The following PPP1R7 variants were observed in gnomAD, a reference collection of about 807,000 sequenced individuals.
The protein encoded by PPP1R7 is protein phosphatase 1 regulatory subunit 22.
A neutral mutation model predicts 45.2 loss-of-function variants in PPP1R7; 18 were observed. That is an observed-to-expected ratio of 0.40 (90% CI 0.28 to 0.59). The LOEUF is 0.59. PPP1R7 is among the 20% of genes least tolerant of loss of function. PPP1R7 has a pLI of 0.46. For missense variants in PPP1R7, 314 were observed against 455.8 expected (o/e 0.69, Z 2.83); for synonymous variants, 181 against 183.4 (o/e 0.99, Z 0.11).
Position 241,166,577 on chromosome 2 carries a change from A to G in PPP1R7, c.819+136A>G, listed in dbSNP as rs1276046277. 8.5e-6 allele frequency: 6 copies of G among 706,808 alleles called. No homozygotes were observed. The East Asian group carries it at 1.4e-4, about 16-fold the overall frequency. The allele number at this position is 706,808 out of a possible 1,614,324, so 43.8% of individuals were successfully genotyped here. A position where few individuals can be genotyped will look rare whatever the true frequency, so the allele number is the denominator to read the frequency against. On this transcript the variant is annotated intron_variant, in intron 8 of 9. Coordinates refer to ENST00000234038, the MANE Select transcript of PPP1R7 (RefSeq NM_002712.3). Reference sequence around the variant, plus strand: ...CTGCCTCTGGAGGTTTATCAGAAAGACCTTCCCATCCTAAAAACTAAGGGA... The same window carrying G: ...CTGCCTCTGGAGGTTTATCAGAAAGGCCTTCCCATCCTAAAAACTAAGGGA...
intron 1 of PPP1R7, 85 bp downstream of exon 1, chr2:241,150,632 C>T (rs945519492): frequency 7.1e-5 from 99 of 1,396,036 alleles, no homozygotes; most frequent in Admixed American, 1.9e-4. Context: ...CTGAGAGAAA[C>T]TCCACGTCCT....
At chr2:241,175,106 A>G (rs1380443011) in intron 9 of PPP1R7, among the ~76,000 whole-genome samples, 1 of 152,226 alleles carries the variant, frequency 6.6e-6, no homozygotes, top group Non-Finnish European at 1.5e-5. Context: ...GTATAATACA[A>G]ACCTCATAAG....
intron 2 of PPP1R7, among the ~76,000 whole-genome samples, chr2:241,156,135 C>T (rs945708068): frequency 1.1e-4 from 16 of 152,180 alleles, no homozygotes; most frequent in African/African-American, 3.9e-4. Flanking sequence ...GGAGCCAGCC[C>T]TTGGCATGGG....
chr2:241,153,861 G>A (rs2067379542), intron 2 of PPP1R7, among the ~76,000 whole-genome samples: 1 of 152,132 alleles, frequency 6.6e-6, no homozygotes, highest in Admixed American at 6.6e-5. Context: ...ACAAATATGG[G>A]TACTAGTATG....
intron 8 of PPP1R7, among the ~76,000 whole-genome samples, chr2:241,169,284 G>T (rs914867938): frequency 6.6e-6 from 1 of 152,138 alleles, no homozygotes; most frequent in African/African-American, 2.4e-5. Context: ...CTGCTACTGT[G>T]CGCCTGGGCA....
chr2:241,179,984 A>G (rs966592484), intron 9 of PPP1R7, among the ~76,000 whole-genome samples: 2 of 152,224 alleles, frequency 1.3e-5, no homozygotes, highest in African/African-American at 2.4e-5. Flanking sequence ...AACATCTGCA[A>G]TTTATAAAGA....
chr2:241,165,806 C>G (rs959948434), intron 7 of PPP1R7, among the ~76,000 whole-genome samples: 7 of 151,330 alleles, frequency 4.6e-5, no homozygotes, highest in Non-Finnish European at 1.0e-4. Flanking sequence ...ACCGTGTTAG[C>G]CAGGATGGTC....
chr2:241,162,705 C>T (rs559922833), intron 6 of PPP1R7, among the ~76,000 whole-genome samples: 4 of 140,760 alleles, frequency 2.8e-5, no homozygotes, highest in African/African-American at 5.5e-5. Flanking sequence ...TTTTTTGAGA[C>T]GGAGTCTCGT....
At chr2:241,169,103 G>A (rs2067770736) in intron 8 of PPP1R7, among the ~76,000 whole-genome samples, 1 of 152,204 alleles carries the variant, frequency 6.6e-6, no homozygotes, top group Admixed American at 6.5e-5. Flanking sequence ...CAGAGTAGAA[G>A]ATCCTAAAAA....
rs1332932564 is a variant in PPP1R7 at position 241,166,521 on chromosome 2, T to C, written c.819+80T>C. ...AGGCACCTGGCCAGCCAGCACACAC[T>C]GGCCTCTCGGGCCGGTGTCAGGAAG... On this transcript the variant is annotated intron_variant, in intron 8 of 9. Coordinates refer to ENST00000234038, the MANE Select transcript of PPP1R7 (RefSeq NM_002712.3). 5 of 1,223,896 alleles carry C rather than the reference T, an allele frequency of 4.1e-6. No homozygotes were observed. The African/African-American group carries it at 5.9e-5, about 15-fold the overall frequency. 75.8% of individuals were successfully genotyped at this position (1,223,896 alleles called of 1,614,324 possible). A position where few individuals can be genotyped will look rare whatever the true frequency, so the allele number is the denominator to read the frequency against.
At chr2:241,179,174 G>A (rs769212991) in intron 9 of PPP1R7, among the ~76,000 whole-genome samples, 5 of 152,196 alleles carry the variant, frequency 3.3e-5, no homozygotes, top group Admixed American at 6.5e-5. Context: ...AATCCCAGCC[G>A]TTGGTTCGGG....
intron 9 of PPP1R7, among the ~76,000 whole-genome samples, chr2:241,181,859 G>A (rs1320195031): frequency 1.3e-5 from 2 of 152,212 alleles, no homozygotes; most frequent in African/African-American, 2.4e-5. Flanking sequence ...CTGAGGCCGG[G>A]CAGCTCTGAA....
At chr2:241,150,876 G>C (rs1252091348) in intron 1 of PPP1R7, among the ~76,000 whole-genome samples, 1 of 152,204 alleles carries the variant, frequency 6.6e-6, no homozygotes, top group Non-Finnish European at 1.5e-5. Flanking sequence ...ATTGACGGGC[G>C]GGGGAGCCTC....
chr2:241,171,221 G>A (rs1488901446), intron 9 of PPP1R7, among the ~76,000 whole-genome samples: 1 of 152,204 alleles, frequency 6.6e-6, no homozygotes, highest in East Asian at 1.9e-4. Flanking sequence ...GGGTACCACA[G>A]CTAGCAGGGA....
chr2:241,151,309 G>GT (rs2067295358), intron 1 of PPP1R7, among the ~76,000 whole-genome samples: 1 of 152,202 alleles, frequency 6.6e-6, no homozygotes, highest in Non-Finnish European at 1.5e-5. Context: ...TTGGTGAGGG[G>GT]TACAGACCTC....
At position 241,158,524 on chromosome 2, in the gene PPP1R7, G is replaced by C. The variant is rs1312826385; in HGVS notation, c.278G>C (p.Gly93Ala). 1 of 1,614,124 alleles carries C rather than the reference G, an allele frequency of 6.2e-7. No individual in the cohort carries two copies. The highest frequency in any genetic ancestry group is 8.5e-7 in the Non-Finnish European group (1 of 1,179,924). Residue 93 changes from glycine to alanine, a missense_variant, in exon 4 of 10, where the codon GGA becomes GCA. By Grantham distance (60) the Gly-to-Ala change is moderately conservative (BLOSUM62 0). Around this residue, in one of 3 missense-constraint regions of PPP1R7, gnomAD observed 112 missense variants for 144.5 expected, o/e 0.78. Coordinates refer to ENST00000234038, the MANE Select transcript of PPP1R7 (RefSeq NM_002712.3). ...LNHYRIGKIE[G>A]FEVLKKVKTL... ...CACTATCGCATAGGGAAGATTGAAG[G>C]ATTTGAGGTACTGAAGAAAGTGAAG...
upstream of PPP1R7, chr2:241,149,710 T>C (rs752126274): frequency 1.3e-6 from 2 of 1,550,826 alleles, no homozygotes; most frequent in South Asian, 1.2e-5. Flanking sequence ...TCAAAATGGG[T>C]GAGTAGCGCA....
At chr2:241,158,321 C>G in intron 3 of PPP1R7, 163 bp from the exon 4 acceptor site, 2 of 646,838 alleles carry the variant, frequency 3.1e-6, no homozygotes, top group Non-Finnish European at 5.5e-6. Context: ...ATCACTAAGC[C>G]AAAGAGCCCC....
chr2:241,156,235 A>C (rs1426624074), intron 2 of PPP1R7, among the ~76,000 whole-genome samples: 1 of 152,268 alleles, frequency 6.6e-6, no homozygotes, highest in African/African-American at 2.4e-5. Flanking sequence ...CAGCCCTGTA[A>C]GGTAGTGACA....
Sources: gnomAD v4.1 joint callset for allele counts (sites outside exome capture counted in the v4.1 genomes callset) on GRCh38, gnomAD v4.1.1 for gene constraint, gnomAD v4.1.1 regional missense constraint, MANE v1.5 for transcripts, NCBI Gene and HGNC (gene_info 2026-07-23, HGNC 2026-07-21) for gene names.